The following ZNF521 variants were observed in gnomAD, a reference collection of about 807,000 sequenced individuals.
ZNF521 encodes the protein zinc finger protein 521.
A neutral mutation model predicts 105.5 loss-of-function variants in ZNF521; 14 were observed. That is an observed-to-expected ratio of 0.13 (90% CI 0.09 to 0.21). The LOEUF (loss-of-function observed/expected upper bound fraction) is 0.21. Among genes scored for constraint, ZNF521 ranks in the 10% least tolerant of loss-of-function variants. The pLI, the probability that ZNF521 is intolerant of heterozygous loss-of-function variation, is 1.00. For synonymous variants in ZNF521, 635 were observed against 606.0 expected (o/e 1.05, Z -0.70); for missense variants, 1,233 against 1,629.7 (o/e 0.76, Z 4.19).
chr18:25,296,701 T>C (rs1911337118), intron 3 of ZNF521, among the ~76,000 whole-genome samples: 1 of 152,184 alleles, frequency 6.6e-6, no homozygotes, highest in Non-Finnish European at 1.5e-5. Context: ...AGTTCAAGTC[T>C]TCCTTGACAT....
chr18:25,210,082 A>T (rs2036152019), intron 4 of ZNF521, among the ~76,000 whole-genome samples: 1 of 152,146 alleles, frequency 6.6e-6, no homozygotes, highest in Admixed American at 6.5e-5. Context: ...TGTATACATA[A>T]TACATACATA....
intron 4 of ZNF521, among the ~76,000 whole-genome samples, chr18:25,223,350 G>A (rs988602507): frequency 6.6e-6 from 1 of 152,166 alleles, no homozygotes; most frequent in African/African-American, 2.4e-5. Flanking sequence ...TTCTCAGCCC[G>A]CCCCTGCCAG....
chr18:25,270,606 G>A (rs1171600252), intron 3 of ZNF521, among the ~76,000 whole-genome samples: 1 of 152,164 alleles, frequency 6.6e-6, no homozygotes, highest in Non-Finnish European at 1.5e-5. Context: ...TCCCTGGGAT[G>A]CAAGGCTGGT....
At chr18:25,140,921 TCA>T (rs1201400221) in intron 5 of ZNF521, among the ~76,000 whole-genome samples, 1 of 152,132 alleles carries the variant, frequency 6.6e-6, no homozygotes, top group Non-Finnish European at 1.5e-5. Context: ...CTCAATTACT[TCA>T]GAGACAAGCT....
intron 7 of ZNF521, among the ~76,000 whole-genome samples, chr18:25,070,542 A>G (rs1285539018): frequency 6.6e-6 from 1 of 152,194 alleles, no homozygotes; most frequent in Non-Finnish European, 1.5e-5. Flanking sequence ...GAGCCTGAAA[A>G]TAGATTTTAG....
At chr18:25,241,938 T>C (rs1036909159) in intron 3 of ZNF521, among the ~76,000 whole-genome samples, 1 of 152,210 alleles carries the variant, frequency 6.6e-6, no homozygotes, top group Non-Finnish European at 1.5e-5. Context: ...AGTAAACAAG[T>C]GTACAAATTA....
chr18:25,157,173 G>T (rs1488684872), intron 5 of ZNF521, among the ~76,000 whole-genome samples: 3 of 151,846 alleles, frequency 2.0e-5, no homozygotes, highest in Non-Finnish European at 1.5e-5. Context: ...CTCCAGCCTG[G>T]GTGACAGAGT....
intron 5 of ZNF521, among the ~76,000 whole-genome samples, chr18:25,131,092 C>A (rs969729293): frequency 6.6e-6 from 1 of 151,878 alleles, no homozygotes; most frequent in Non-Finnish European, 1.5e-5. Flanking sequence ...CACAGAGAAC[C>A]AAAGGGAAGA....
intron 5 of ZNF521, among the ~76,000 whole-genome samples, chr18:25,187,365 C>T (rs376082725): frequency 1.3e-5 from 2 of 151,890 alleles, no homozygotes; most frequent in South Asian, 2.1e-4. Flanking sequence ...TTCTCTATTT[C>T]TCCTGCCTTG....
intron 5 of ZNF521, among the ~76,000 whole-genome samples, chr18:25,173,054 T>TA (rs1362699212): frequency 6.6e-6 from 1 of 152,254 alleles, no homozygotes; most frequent in African/African-American, 2.4e-5. Context: ...TATACTCTTC[T>TA]CCAAATTTAC....
At chr18:25,168,277 G>A (rs1430945278) in intron 5 of ZNF521, among the ~76,000 whole-genome samples, 2 of 152,178 alleles carry the variant, frequency 1.3e-5, no homozygotes, top group African/African-American at 4.8e-5. Context: ...GCCCCAGCTG[G>A]TACTTGGAAG....
At chr18:25,294,484 G>A (rs1363223816) in intron 3 of ZNF521, among the ~76,000 whole-genome samples, 1 of 152,146 alleles carries the variant, frequency 6.6e-6, no homozygotes, top group African/African-American at 2.4e-5. Flanking sequence ...TTCACCATGT[G>A]CAAATTACAG....
At chr18:25,206,973 A>C (rs1247423781) in intron 4 of ZNF521, among the ~76,000 whole-genome samples, 1 of 152,152 alleles carries the variant, frequency 6.6e-6, no homozygotes, top group Non-Finnish European at 1.5e-5. Flanking sequence ...ATGTATACAA[A>C]TGTGCAAGTG....
intron 5 of ZNF521, among the ~76,000 whole-genome samples, chr18:25,120,582 T>TAAAACA (rs1555636080): frequency 2.6e-4 from 3 of 11,362 alleles, no homozygotes; most frequent in Admixed American, 7.6e-4. Context: ...AAACTCCATC[T>TAAAACA]AAAAAAAAAA....
At chr18:25,327,964 G>A (rs567997896) in intron 2 of ZNF521, among the ~76,000 whole-genome samples, 5 of 152,228 alleles carry the variant, frequency 3.3e-5, no homozygotes, top group African/African-American at 1.2e-4. Flanking sequence ...GATTATGATG[G>A]GCATCCCAGG....
rs553141856 is a variant in ZNF521, at chr18:25,323,384, T to C, written c.41-1197A>G. On this transcript the variant is annotated intron_variant, in intron 2 of 7. Coordinates refer to ENST00000361524, the MANE Select transcript of ZNF521 (RefSeq NM_015461.3). ...TTTTATATGACTACAATATTACTTT[T>C]AATGGCTACAATAAATATGATAATT... Among the ~76,000 whole-genome samples, 4 of 152,268 alleles carry C rather than the reference T, an allele frequency of 2.6e-5. No individual in the cohort carries two copies. The East Asian group carries it at 7.7e-4, about 29-fold the overall frequency.
intron 5 of ZNF521, among the ~76,000 whole-genome samples, chr18:25,099,377 T>C (rs1023642469): frequency 1.3e-5 from 2 of 152,188 alleles, no homozygotes; most frequent in African/African-American, 2.4e-5. Context: ...TTACAGTGCT[T>C]GGCTTCTTTA....
intron 4 of ZNF521, chr18:25,201,819 A>G (rs1436742573): frequency 6.6e-6 from 1 of 152,186 alleles, no homozygotes; most frequent in East Asian, 1.9e-4. Context: ...TTGTGTGACA[A>G]ATCATTAAAT....
chr18:25,201,143 C>T (rs554255748), intron 4 of ZNF521: 1 of 152,012 alleles, frequency 6.6e-6, no homozygotes, highest in South Asian at 2.1e-4. Context: ...CTCAGAGGGG[C>T]ATTTGCTGCC....
Sources: allele counts gnomAD v4.1 joint callset (sites outside exome capture counted in the v4.1 genomes callset), GRCh38; gene constraint gnomAD v4.1.1; transcripts MANE v1.5; gene names NCBI Gene and HGNC (gene_info 2026-07-23, HGNC 2026-07-21).